Variants in CDH18 observed in about 807,000 individuals in gnomAD.
CDH18 encodes the protein cadherin-18.
Under a neutral mutation model 67.9 loss-of-function variants are expected in CDH18, and 31 were observed. That is an observed-to-expected ratio of 0.46 (90% confidence interval 0.34 to 0.62). CDH18 has a LOEUF of 0.62. Ranked by LOEUF, CDH18 falls within the 20% of genes least tolerant of loss-of-function variation. The pLI, the probability that CDH18 is intolerant of heterozygous loss-of-function variation, is 0.01. For synonymous variants in CDH18, 362 were observed against 347.2 expected (o/e 1.04, Z -0.48); for missense variants, 890 against 975.5 (o/e 0.91, Z 1.17).
At chr5:19,869,304 T>A (rs1014599160) in intron 2 of CDH18, among the ~76,000 whole-genome samples, 1 of 152,120 alleles carries the variant, frequency 6.6e-6, no homozygotes, top group African/African-American at 2.4e-5. Flanking sequence ...CAGGTACTTT[T>A]CCCTATCATG....
intron 8 of CDH18, among the ~76,000 whole-genome samples, chr5:19,548,348 G>T (rs1736705779): frequency 1.3e-5 from 2 of 151,652 alleles, no homozygotes; most frequent in African/African-American, 4.8e-5. Flanking sequence ...AAATGAACCA[G>T]AATAAATTGA....
At chr5:20,283,706 A>T (rs2126709561) in intron 1 of CDH18, among the ~76,000 whole-genome samples, 1 of 152,236 alleles carries the variant, frequency 6.6e-6, no homozygotes, top group African/African-American at 2.4e-5. Flanking sequence ...TTCCTCAAAC[A>T]ACTGAAAATA....
chr5:20,473,052 T>C (rs1752196777), intron 1 of CDH18, among the ~76,000 whole-genome samples: 1 of 152,158 alleles, frequency 6.6e-6, no homozygotes, highest in African/African-American at 2.4e-5. Context: ...AATATTACAG[T>C]TTTACAGTAA....
chr5:20,421,183 T>C (rs538195495), intron 1 of CDH18, among the ~76,000 whole-genome samples: 1 of 151,164 alleles, frequency 6.6e-6, no homozygotes, highest in Admixed American at 6.6e-5. Flanking sequence ...CCTCTGTAGC[T>C]TTGTGCACCA....
At position 19,884,404 on chromosome 5, in the gene CDH18, T is replaced by C. The variant is rs192977129; in HGVS notation, c.-256-45162A>G. 1.7e-3 allele frequency among the ~76,000 whole-genome samples: 255 copies of C among 152,232 alleles called. 3 individuals carry two copies. The highest frequency in any genetic ancestry group is 5.2e-3 in the African/African-American group (216 of 41,578). On this transcript the variant is annotated intron_variant, in intron 2 of 12. Transcript: ENST00000382275. ...GAAATATAGAAAAGTTATTAAATAC[T>C]GCCTAACAGAGCATTATTTTACCTT...
chr5:19,520,596 A>G (rs1746733175), intron 10 of CDH18, 61 bp downstream of exon 10: 4 of 1,460,794 alleles, frequency 2.7e-6, no homozygotes, highest in Non-Finnish European at 3.7e-6. Context: ...TAAGAATAAT[A>G]AAAATAAAGG....
intron 1 of CDH18, among the ~76,000 whole-genome samples, chr5:20,525,310 A>C (rs1755980836): frequency 6.6e-6 from 1 of 152,062 alleles, no homozygotes; most frequent in Admixed American, 6.6e-5. Flanking sequence ...CCAGTGCCAG[A>C]GCTCCAGGGT....
At chr5:20,521,806 CAT>C (rs1193311712) in intron 1 of CDH18, among the ~76,000 whole-genome samples, 3 of 145,432 alleles carry the variant, frequency 2.1e-5, no homozygotes, top group Non-Finnish European at 2.9e-5. Flanking sequence ...CACACACACA[CAT>C]ACACACACAC....
chr5:19,936,787 T>C (rs1794321326), intron 2 of CDH18, among the ~76,000 whole-genome samples: 1 of 151,004 alleles, frequency 6.6e-6, no homozygotes, highest in Non-Finnish European at 1.5e-5. Context: ...TTCATTTACT[T>C]ATTTTATGTG....
intron 2 of CDH18, among the ~76,000 whole-genome samples, chr5:20,037,655 T>C (rs560068631): frequency 2.6e-5 from 4 of 152,166 alleles, no homozygotes; most frequent in Non-Finnish European, 2.9e-5. Flanking sequence ...TTGAAATCAA[T>C]GACAACAAAG....
chr5:19,787,636 A>T (rs867868875), intron 3 of CDH18, among the ~76,000 whole-genome samples: 23 of 152,058 alleles, frequency 1.5e-4, no homozygotes, highest in Admixed American at 1.1e-3. Flanking sequence ...AGAAAAGATA[A>T]AAGTTAATCA....
chr5:19,689,915 GGATAAA>G (rs1310085820), intron 5 of CDH18, among the ~76,000 whole-genome samples: 1 of 151,438 alleles, frequency 6.6e-6, no homozygotes, highest in Non-Finnish European at 1.5e-5. Context: ...GTAAAGGAAT[GGATAAA>G]GATTTTCCAT....
intron 5 of CDH18, among the ~76,000 whole-genome samples, chr5:19,716,728 G>A (rs1226720478): frequency 6.6e-6 from 1 of 151,890 alleles, no homozygotes; most frequent in Middle Eastern, 3.2e-3. Flanking sequence ...TACATTAGGA[G>A]TGTTGATTAA....
intron 2 of CDH18, among the ~76,000 whole-genome samples, chr5:20,166,215 C>T (rs1035403106): frequency 1.3e-5 from 2 of 151,934 alleles, no homozygotes; most frequent in Non-Finnish European, 2.9e-5. Context: ...CCAAGGCTGG[C>T]GGATCACCTG....
At chr5:20,519,750 C>G (rs1444167676) in intron 1 of CDH18, among the ~76,000 whole-genome samples, 2 of 151,468 alleles carry the variant, frequency 1.3e-5, no homozygotes, top group Non-Finnish European at 2.9e-5. Flanking sequence ...GTAGGATCAG[C>G]AGGCATTATT....
In CDH18 at chr5:19,498,098, G is replaced by A. The variant is rs564562196; in HGVS notation, c.1630+4894C>T. 2.0e-5 allele frequency among the ~76,000 whole-genome samples: 3 copies of A among 152,218 alleles called. No individual in the cohort carries two copies. In the South Asian group the frequency reaches 6.2e-4, roughly 32 times the overall value. On this transcript the variant is annotated intron_variant, in intron 11 of 12. Coordinates refer to ENST00000382275, the MANE Select transcript of CDH18 (RefSeq NM_004934.5). ...CACAGTGGGTTTGTACCTCAACTAA[G>A]GAATCTTAAATTTAGGGAGCCTGGA...
chr5:20,406,402 GA>G (rs886505851), intron 1 of CDH18, among the ~76,000 whole-genome samples: 2 of 151,600 alleles, frequency 1.3e-5, no homozygotes, highest in Non-Finnish European at 2.9e-5. Context: ...CTGGACACAG[GA>G]AGGGGACCAT....
chr5:19,518,983 G>A (rs1561252327), intron 10 of CDH18, among the ~76,000 whole-genome samples: 1 of 152,134 alleles, frequency 6.6e-6, no homozygotes, highest in Non-Finnish European at 1.5e-5. Context: ...GCAATTACAA[G>A]ACAGCCAACT....
At chr5:19,954,892 A>C (rs1435811685) in intron 2 of CDH18, among the ~76,000 whole-genome samples, 1 of 151,980 alleles carries the variant, frequency 6.6e-6, no homozygotes, top group Non-Finnish European at 1.5e-5. Context: ...ATACGACTGC[A>C]CAAGTGGAGT....
Sources: allele counts gnomAD v4.1 joint callset (sites outside exome capture counted in the v4.1 genomes callset), GRCh38; gene constraint gnomAD v4.1.1; transcripts MANE v1.5; gene names NCBI Gene and HGNC (gene_info 2026-07-23, HGNC 2026-07-21).